The following JAZF1 variants were observed in gnomAD, a reference collection of about 807,000 sequenced individuals.
The protein encoded by JAZF1 is juxtaposed with another zinc finger protein 1.
In JAZF1, 8 loss-of-function variants were observed where a neutral mutation model predicts 26.4. The ratio of observed to expected loss-of-function variants is 0.30; its 90% CI spans 0.18 to 0.55. The LOEUF (loss-of-function observed/expected upper bound fraction) is 0.55, where lower values mean the gene tolerates loss of function less well. Ranked by LOEUF, JAZF1 falls within the 20% of genes least tolerant of loss-of-function variation. The probability of loss-of-function intolerance (pLI) is 0.94; values close to 1 mark genes in which losing one functional copy is unlikely to be tolerated. For missense variants in JAZF1, 199 were observed against 322.0 expected, an observed-to-expected ratio of 0.62 and a Z score of 2.92; for synonymous variants, 126 against 122.3, an observed-to-expected ratio of 1.03 and a Z score of -0.20.
intron 2 of JAZF1, among the ~76,000 whole-genome samples, chr7:27,949,529 C>T (rs62451150): frequency 0.028 from 4,269 of 152,250 alleles, 85 homozygotes; most frequent in South Asian, 0.086. Context: ...AGTCTGCCTC[C>T]GGCCAGGTGG....
Position 27,878,722 on chromosome 7 carries a change from C to T in JAZF1, c.385+16498G>A, listed in dbSNP as rs146908115. On this transcript the variant is annotated intron_variant, in intron 3 of 4. Transcript: ENST00000283928. ...AACTTCCATAATGAAGCCATTGCCTCACCTGCCATTCTCCCAAGAATTCTC... is the reference window on the plus strand; with the variant it reads ...AACTTCCATAATGAAGCCATTGCCTTACCTGCCATTCTCCCAAGAATTCTC... Among the ~76,000 whole-genome samples the T allele has an allele frequency of 3.4e-3, 512 of 152,232 alleles. 1 individual carries two copies. Among genetic ancestry groups the T allele is most frequent in the African/African-American group, 0.012 (495 of 41,506 alleles).
intron 1 of JAZF1, among the ~76,000 whole-genome samples, chr7:28,139,861 G>T (rs2127945244): frequency 6.6e-6 from 1 of 152,284 alleles, no homozygotes; most frequent in Non-Finnish European, 1.5e-5. Context: ...AGAACTTAGA[G>T]CAGGGTAGGA....
chr7:27,912,608 C>T (rs1784376369), intron 2 of JAZF1, among the ~76,000 whole-genome samples: 1 of 152,040 alleles, frequency 6.6e-6, no homozygotes, highest in Non-Finnish European at 1.5e-5. Flanking sequence ...TTAGAATGGG[C>T]TGTTAAGATT....
chr7:28,148,940 G>A (rs1345295995), intron 1 of JAZF1, among the ~76,000 whole-genome samples: 1 of 152,202 alleles, frequency 6.6e-6, no homozygotes. Context: ...GAGTCCTTAA[G>A]GATAGGCGAG....
At chr7:27,850,307 G>A (rs1783119450) in intron 3 of JAZF1, among the ~76,000 whole-genome samples, 1 of 152,110 alleles carries the variant, frequency 6.6e-6, no homozygotes, top group African/African-American at 2.4e-5. Flanking sequence ...AATGGCTCTG[G>A]GACCACGGGC....
At chr7:28,085,862 C>G (rs990970078) in intron 1 of JAZF1, among the ~76,000 whole-genome samples, 1 of 152,218 alleles carries the variant, frequency 6.6e-6, no homozygotes, top group Non-Finnish European at 1.5e-5. Context: ...AATCCAGAGG[C>G]AGACTTGTTG....
At position 28,121,114 on chromosome 7, in the gene JAZF1, C is replaced by T. The variant is rs112199747; in HGVS notation, c.115+59349G>A. On this transcript the variant is annotated intron_variant, in intron 1 of 4. Transcript: ENST00000283928. ...ACTCAGGAGGCTGAGGCTGAAGAAC[C>T]CTTTGAATCTGGGAGGCAGAAATTG... Among the ~76,000 whole-genome samples the T allele has an allele frequency of 2.7e-4, 40 of 147,300 alleles. 1 individual carries two copies. The highest frequency in any genetic ancestry group is 9.6e-4 in the African/African-American group (38 of 39,636).
At chr7:28,082,542 C>T (rs564485084) in intron 1 of JAZF1, among the ~76,000 whole-genome samples, 1 of 152,284 alleles carries the variant, frequency 6.6e-6, no homozygotes, top group South Asian at 2.1e-4. Context: ...CAAATCTCTT[C>T]CTCCAGCTCC....
chr7:28,081,082 A>G (rs755832363), intron 1 of JAZF1, among the ~76,000 whole-genome samples: 2 of 152,174 alleles, frequency 1.3e-5, no homozygotes, highest in Admixed American at 6.5e-5. Context: ...CCTCGTGGGG[A>G]CCAGCACAGG....
intron 2 of JAZF1, among the ~76,000 whole-genome samples, chr7:27,970,364 G>A (rs1052290793): frequency 6.6e-6 from 1 of 152,138 alleles, no homozygotes; most frequent in African/African-American, 2.4e-5. Flanking sequence ...CCTTACTCGG[G>A]CATTCTTAAC....
intron 1 of JAZF1, among the ~76,000 whole-genome samples, chr7:28,160,337 C>A (rs921312504): frequency 2.0e-5 from 3 of 152,168 alleles, no homozygotes; most frequent in Non-Finnish European, 4.4e-5. Flanking sequence ...ACCTTTCTTT[C>A]CAGCCCTTAC....
chr7:28,171,173 A>C (rs2127954555), intron 1 of JAZF1, among the ~76,000 whole-genome samples: 1 of 152,310 alleles, frequency 6.6e-6, no homozygotes, highest in Middle Eastern at 3.4e-3. Flanking sequence ...CTGTGTACCA[A>C]ATACCCCTGG....
chr7:28,062,207 C>G (rs902323066), intron 1 of JAZF1, among the ~76,000 whole-genome samples: 1 of 152,170 alleles, frequency 6.6e-6, no homozygotes, highest in Non-Finnish European at 1.5e-5. Context: ...TTAATAGCTG[C>G]TCTGTGATAA....
intron 3 of JAZF1, among the ~76,000 whole-genome samples, chr7:27,878,159 T>G (rs546215758): frequency 2.6e-5 from 4 of 152,092 alleles, no homozygotes; most frequent in African/African-American, 9.7e-5. Flanking sequence ...GAAACACACT[T>G]GCTGTTTTGT....
intron 1 of JAZF1, among the ~76,000 whole-genome samples, chr7:28,109,392 A>C (rs1370459428): frequency 6.6e-6 from 1 of 152,242 alleles, no homozygotes; most frequent in Non-Finnish European, 1.5e-5. Context: ...TTGAAATTTA[A>C]AAAAATAATA....
Position 28,030,295 on chromosome 7 carries a change from A to C in JAZF1, c.116-38314T>G, listed in dbSNP as rs550640580. Among the ~76,000 whole-genome samples the C allele has an allele frequency of 5.9e-5, 9 of 152,366 alleles. No individual in the cohort carries two copies. In the East Asian group the frequency reaches 1.7e-3, roughly 29 times the overall value. On this transcript the variant is annotated intron_variant, in intron 1 of 4. Coordinates refer to ENST00000283928, the MANE Select transcript of JAZF1 (RefSeq NM_175061.4). Reference sequence around the variant, plus strand: ...GGAATACAAACAAATCAATGCGGACAGGAGTAAGAGATAAACAGTTTTAAA... The same window carrying C: ...GGAATACAAACAAATCAATGCGGACCGGAGTAAGAGATAAACAGTTTTAAA...
chr7:27,934,246 T>C (rs555002975), intron 2 of JAZF1, among the ~76,000 whole-genome samples: 2 of 152,328 alleles, frequency 1.3e-5, no homozygotes, highest in East Asian at 3.9e-4. Context: ...ATCAGGTAAA[T>C]GTGATCTAAA....
chr7:27,870,075 A>ATTTTTTT (rs371770357), intron 3 of JAZF1, among the ~76,000 whole-genome samples: 150 of 120,560 alleles, frequency 1.2e-3, no homozygotes, highest in Non-Finnish European at 1.7e-3. Context: ...CACCCGGTTA[A>ATTTTTTT]TTTTTTTTTT....
At chr7:28,145,718 TAA>T (rs576911852) in intron 1 of JAZF1, among the ~76,000 whole-genome samples, 1 of 146,462 alleles carries the variant, frequency 6.8e-6, no homozygotes, top group African/African-American at 2.5e-5. Flanking sequence ...ACCACCACAA[TAA>T]AAAAAAAAAC....
Sources: gnomAD v4.1 joint callset for allele counts (sites outside exome capture counted in the v4.1 genomes callset) on GRCh38, gnomAD v4.1.1 for gene constraint, MANE v1.5 for transcripts, NCBI Gene and HGNC (gene_info 2026-07-23, HGNC 2026-07-21) for gene names.